Variants in ESPNL observed in about 807,000 individuals in gnomAD.
The protein encoded by ESPNL is espin-like protein.
In ESPNL, 49 loss-of-function variants were observed where a neutral mutation model predicts 46.8. That is an observed-to-expected ratio of 1.05 (90% confidence interval 0.83 to 1.33). The LOEUF (loss-of-function observed/expected upper bound fraction) is 1.33. ESPNL is among the 40% of genes most tolerant of loss of function. ESPNL has a pLI of 0.00. For synonymous variants in ESPNL, 664 were observed against 662.1 expected, an observed-to-expected ratio of 1.00 and a Z score of -0.04; for missense variants, 1,540 against 1,436.6, an observed-to-expected ratio of 1.07 and a Z score of -1.16.
chr2:238,131,017 C>A lies in ESPNL; in HGVS notation c.2303C>A (p.Ala768Asp), dbSNP rs746960140. The A allele has an allele frequency of 6.5e-7, 1 of 1,541,594 alleles. No individual in the cohort carries two copies. ...ACAGTGGCCTGCAGGACCCTAGGAG[C>A]CCGCCACGCGGGGTTGCGGGGCCAG... ...LKTVACRTLG[A>D]RHAGLRGQEA... is the part of the protein sequence containing the mutation. Residue 768 changes from alanine to aspartate, a missense_variant, in exon 9 of 9, where the codon GCC (alanine) becomes GAC (aspartate). Transcript: ENST00000343063.
rs572654013 is a variant in ESPNL at position 238,129,202 on chromosome 2, C to T, written c.1413+298C>T. 1.4e-4 allele frequency: 184 copies of T among 1,322,268 alleles called. No individual in the cohort carries two copies. In the African/African-American group the frequency reaches 1.4e-3, roughly 10 times the overall value. The allele number at this position is 1,322,268 out of a possible 1,614,324, so 81.9% of individuals were successfully genotyped here. ...TTCTAGGCCTTCCTGGGCGCAGCGT[C>T]TAGCAGGGAAGACGGTGGCCCATGG... On this transcript the variant is annotated intron_variant, in intron 8 of 8. Coordinates refer to ENST00000343063, the MANE Select transcript of ESPNL (RefSeq NM_194312.4).
chr2:238,131,708 T>A lies in ESPNL; in HGVS notation c.2994T>A (p.Ala998=), dbSNP rs986802015. The A allele has an allele frequency of 1.3e-6, 2 of 1,588,460 alleles. No individual in the cohort carries two copies. The highest frequency in any genetic ancestry group is 1.7e-6 in the Non-Finnish European group (2 of 1,160,730). Residue 998 remains alanine (A), a synonymous_variant, in exon 9 of 9, where the codon GCT becomes GCA. Coordinates refer to ENST00000343063, the MANE Select transcript of ESPNL (RefSeq NM_194312.4). The stretch of plus-strand genomic sequence containing the variant: ...TTGCCTTCTGGAAGGAGAAGGAAGC[T>A]GAGATGTTCAACTTTGGAGAATGAC... ...RSFAFWKEKE[A]EMFNFGE is the part of the protein sequence containing the mutation.
chr2:238,106,959 C>T (rs974576952), intron 3 of ESPNL, among the ~76,000 whole-genome samples: 1 of 152,236 alleles, frequency 6.6e-6, no homozygotes, highest in Non-Finnish European at 1.5e-5. Flanking sequence ...CGCTAGGAGG[C>T]ACTCACACCG....
chr2:238,124,184 G>T (rs1057009314), intron 5 of ESPNL, among the ~76,000 whole-genome samples: 1 of 152,234 alleles, frequency 6.6e-6, no homozygotes, highest in East Asian at 1.9e-4. Flanking sequence ...TGGCCGATTT[G>T]AGTGCTCTGC....
intron 5 of ESPNL, 103 bp from the exon 6 acceptor site, chr2:238,125,167 A>C (rs1460978665): frequency 3.7e-6 from 2 of 545,652 alleles, no homozygotes; most frequent in Non-Finnish European, 6.5e-6. Flanking sequence ...TCTCAGATGC[A>C]CAGGCTCCCC....
chr2:238,119,144 A>AGGT (rs1226911900), intron 5 of ESPNL, among the ~76,000 whole-genome samples: 4 of 934 alleles, frequency 4.3e-3, no homozygotes, highest in Non-Finnish European at 4.9e-3. Flanking sequence ...TGGATGGAGG[A>AGGT]GGAATGGATG....
chr2:238,131,010 C>G lies in ESPNL; in HGVS notation c.2296C>G (p.Leu766Val). Residue 766 changes from leucine (L) to valine (V), a missense_variant, in exon 9 of 9, where the codon CTA (leucine) becomes GTA (valine). Transcript: ENST00000343063. ...CCTCAAGACAGTGGCCTGCAGGACC[C>G]TAGGAGCCCGCCACGCGGGGTTGCG... ...PALKTVACRT[L>V]GARHAGLRGQ... 6.5e-7 allele frequency: 1 copy of G among 1,542,742 alleles called. No homozygotes were observed. The highest frequency in any genetic ancestry group is 2.4e-5 in the East Asian group (1 of 40,842).
chr2:238,106,325 C>T (rs575736383), intron 3 of ESPNL, among the ~76,000 whole-genome samples: 1 of 152,320 alleles, frequency 6.6e-6, no homozygotes, highest in Non-Finnish European at 1.5e-5. Flanking sequence ...GGACGGGTCC[C>T]GCCTGCTCAC....
rs993810371 is a variant in ESPNL, at chr2:238,109,434, T to C, written c.855+1461T>C. Among the ~76,000 whole-genome samples, 7 of 152,230 alleles carry C rather than the reference T, an allele frequency of 4.6e-5. No homozygotes were observed. The East Asian group carries it at 7.7e-4, about 17-fold the overall frequency. ...CAGCGTGTCATCACCGTGTGCAACC[T>C]CTAACTCCTAGGCTCAAGCAATCCT... On this transcript the variant is annotated intron_variant, in intron 4 of 8. Coordinates refer to ENST00000343063, the MANE Select transcript of ESPNL (RefSeq NM_194312.4).
In ESPNL at chr2:238,131,027, G is replaced by A. The variant is rs769377014; in HGVS notation, c.2313G>A (p.Ala771=). Residue 771 remains alanine (A), a synonymous_variant, in exon 9 of 9, where the codon GCG becomes GCA. Transcript: ENST00000343063. The part of the protein sequence containing the change: ...VACRTLGARH[A]GLRGQEAARS... ...GCAGGACCCTAGGAGCCCGCCACGC[G>A]GGGTTGCGGGGCCAGGAGGCCGCCA... 3.3e-5 allele frequency: 51 copies of A among 1,539,170 alleles called. No individual in the cohort carries two copies. Among genetic ancestry groups the A allele is most frequent in the Middle Eastern group, 2.0e-4 (1 of 4,908 alleles).
intron 4 of ESPNL, among the ~76,000 whole-genome samples, chr2:238,112,914 A>G (rs1359500500): frequency 1.3e-5 from 2 of 152,182 alleles, no homozygotes; most frequent in African/African-American, 4.8e-5. Context: ...GTCAATTTTT[A>G]TCAACGTTGC....
Position 238,106,189 on chromosome 2 carries a change from C to G in ESPNL, c.672+1347C>G, listed in dbSNP as rs528373382. Among the ~76,000 whole-genome samples, 4 of 152,284 alleles carry G rather than the reference C, an allele frequency of 2.6e-5. No individual in the cohort carries two copies. The East Asian group carries it at 5.8e-4, about 22-fold the overall frequency. ...GCAGGACTTCACCACCTGCTACGTTCCCCGCACCTGGCACGCAGTCAGGCT... is the reference window on the plus strand; with the variant it reads ...GCAGGACTTCACCACCTGCTACGTTGCCCGCACCTGGCACGCAGTCAGGCT... On this transcript the variant is annotated intron_variant, in intron 3 of 8. Transcript: ENST00000343063.
At chr2:238,129,147 G>A in intron 8 of ESPNL, 2 of 1,399,846 alleles carry the variant, frequency 1.4e-6, no homozygotes, top group Non-Finnish European at 1.9e-6. Context: ...TGGCGGATTT[G>A]TGGCACATGC....
intron 3 of ESPNL, among the ~76,000 whole-genome samples, chr2:238,106,608 C>T (rs1038978503): frequency 6.6e-6 from 1 of 152,238 alleles, no homozygotes; most frequent in Admixed American, 6.5e-5. Flanking sequence ...CTTTGCCCCT[C>T]CAGCAGTTCT....
At chr2:238,106,449 C>T (rs1391852430) in intron 3 of ESPNL, among the ~76,000 whole-genome samples, 1 of 152,230 alleles carries the variant, frequency 6.6e-6, no homozygotes, top group Non-Finnish European at 1.5e-5. Context: ...GGCCTCTAGC[C>T]TCCCTTCGTG....
At chr2:238,110,695 T>G (rs13022716) in intron 4 of ESPNL, among the ~76,000 whole-genome samples, 83 of 15,324 alleles carry the variant, frequency 5.4e-3, no homozygotes, top group South Asian at 0.012. Context: ...GTTACCGAGT[T>G]TCCCTTTCCT....
chr2:238,100,658 C>T lies in ESPNL; in HGVS notation c.239C>T (p.Thr80Met), dbSNP rs374893013. 81 of 1,447,012 alleles carry T rather than the reference C, an allele frequency of 5.6e-5. No individual in the cohort carries two copies. Among genetic ancestry groups the T allele is most frequent in the Admixed American group, 4.7e-4 (17 of 36,102 alleles). The allele number at this position is 1,447,012 out of a possible 1,614,324, so 89.6% of individuals were successfully genotyped here. Residue 80 changes from threonine to methionine, a missense_variant, in exon 1 of 9, where the codon ACG becomes ATG. Transcript: ENST00000343063. Reference protein sequence around the residue: ...GATPAHDAAATGSLAELCWLV... With the variant: ...GATPAHDAAAMGSLAELCWLV... ...ACCCCAGCGCATGACGCCGCTGCCA[C>T]GGGCAGCCTGGCCGAGCTGTGCTGG...
In ESPNL at chr2:238,128,753, CACTA is replaced by C; in HGVS notation, c.1263_1266del (p.Leu422SerfsTer31). The C allele has an allele frequency of 6.3e-7, 1 of 1,599,584 alleles. No individual in the cohort carries two copies. The highest frequency in any genetic ancestry group is 1.1e-5 in the South Asian group (1 of 88,548). ...GGGGACACCTCAGATGGCCTGGCCGCACTACAGCTGGATGGGCTGCCCTCAGGCG... is the reference window on the plus strand; with the variant it reads ...GGGGACACCTCAGATGGCCTGGCCGCCAGCTGGATGGGCTGCCCTCAGGCG... On this transcript the variant is annotated frameshift_variant, in exon 8 of 9. Transcript: ENST00000343063. LOFTEE classifies it high-confidence loss of function.
intron 4 of ESPNL, among the ~76,000 whole-genome samples, chr2:238,111,015 C>T (rs187240286): frequency 1.4e-4 from 19 of 135,996 alleles, no homozygotes; most frequent in African/African-American, 4.0e-4. Context: ...TGCAGAGGCT[C>T]GATCTCTGCT....
Sources: gnomAD v4.1 joint callset for allele counts (sites outside exome capture counted in the v4.1 genomes callset) on GRCh38, gnomAD v4.1.1 for gene constraint, MANE v1.5 for transcripts, NCBI Gene and HGNC (gene_info 2026-07-23, HGNC 2026-07-21) for gene names.